The following KYNU variants were observed in gnomAD, a reference collection of about 807,000 sequenced individuals.
KYNU encodes the protein L-kynurenine hydrolase.
In KYNU, 54 loss-of-function variants were observed where a neutral mutation model predicts 59.2. The observed-to-expected ratio is 0.91, with a 90% confidence interval of 0.73 to 1.14. KYNU has a LOEUF of 1.14. Ranked by LOEUF, KYNU falls within the 50% of genes most tolerant of loss-of-function variation. KYNU has a pLI of 0.00. For synonymous variants in KYNU, 177 were observed against 192.0 expected (o/e 0.92, Z 0.65); for missense variants, 567 against 554.4 (o/e 1.02, Z -0.23).
chr2:142,985,261 A>C (rs1685166619), intron 9 of KYNU, 79 bp downstream of exon 9: 5 of 862,246 alleles, frequency 5.8e-6, no homozygotes, highest in Middle Eastern at 4.3e-4. Context: ...TCTGTGGGCC[A>C]ATTTTAAAGA....
intron 11 of KYNU, among the ~76,000 whole-genome samples, chr2:143,031,949 TGAGA>T (rs139000371): frequency 2.0e-5 from 3 of 148,402 alleles, no homozygotes; most frequent in Non-Finnish European, 4.5e-5. Flanking sequence ...TGATGGGAGG[TGAGA>T]GAGAGAGAGA....
chr2:142,963,197 G>A (rs1168563528), intron 8 of KYNU, among the ~76,000 whole-genome samples: 1 of 151,966 alleles, frequency 6.6e-6, no homozygotes, highest in Non-Finnish European at 1.5e-5. Flanking sequence ...TGAATCATAA[G>A]CAAATAGCTT....
intron 4 of KYNU, 73 bp from the exon 5 acceptor site, chr2:142,954,737 T>A (rs886901750): frequency 7.5e-6 from 7 of 930,154 alleles, no homozygotes; most frequent in Non-Finnish European, 1.3e-5. Context: ...TTGAGTGAAG[T>A]CTTCCTACTT....
At chr2:142,932,882 A>G (rs1356169634) in intron 4 of KYNU, among the ~76,000 whole-genome samples, 1 of 152,148 alleles carries the variant, frequency 6.6e-6, no homozygotes, top group Non-Finnish European at 1.5e-5. Flanking sequence ...AAGGTATAAG[A>G]AAGGTTTGAA....
intron 4 of KYNU, among the ~76,000 whole-genome samples, chr2:142,951,674 T>G (rs1683994204): frequency 6.6e-6 from 1 of 152,184 alleles, no homozygotes; most frequent in African/African-American, 2.4e-5. Flanking sequence ...ACTTTACTAT[T>G]TGCACCACCC....
At chr2:143,001,235 C>T (rs951529231) in intron 10 of KYNU, among the ~76,000 whole-genome samples, 1 of 152,086 alleles carries the variant, frequency 6.6e-6, no homozygotes, top group African/African-American at 2.4e-5. Flanking sequence ...TACCACAATT[C>T]CATTGAATAT....
chr2:142,881,811 G>A (rs1417190061), intron 1 of KYNU, among the ~76,000 whole-genome samples: 1 of 151,772 alleles, frequency 6.6e-6, no homozygotes. Context: ...GGCACAATTA[G>A]CTCACTGCAA....
chr2:142,985,246 C>A, intron 9 of KYNU, 64 bp downstream of exon 9: 1 of 1,019,824 alleles, frequency 9.8e-7, no homozygotes, highest in Non-Finnish European at 1.6e-6. Flanking sequence ...GAAGGAGAAA[C>A]TGGGTCTGTG....
chr2:142,983,835 A>C (rs1255287685), intron 8 of KYNU, among the ~76,000 whole-genome samples: 1 of 152,080 alleles, frequency 6.6e-6, no homozygotes, highest in Non-Finnish European at 1.5e-5. Context: ...AAACAGTAGC[A>C]TTGTTTATAT....
intron 3 of KYNU, among the ~76,000 whole-genome samples, chr2:142,921,576 G>C (rs2104999838): frequency 6.6e-6 from 1 of 152,276 alleles, no homozygotes; most frequent in East Asian, 1.9e-4. Context: ...GGGAGGCTGA[G>C]GCAAGCGGAC....
At chr2:143,035,286 T>C (rs1423846240) in intron 12 of KYNU, among the ~76,000 whole-genome samples, 1 of 152,228 alleles carries the variant, frequency 6.6e-6, no homozygotes, top group African/African-American at 2.4e-5. Context: ...AAGAATGATA[T>C]GCATTTCTCT....
At position 143,019,309 on chromosome 2, in the gene KYNU, T is replaced by C. The variant is rs1481648877; in HGVS notation, c.903-10318T>C. Among the ~76,000 whole-genome samples the C allele has an allele frequency of 2.6e-5, 4 of 152,138 alleles. No individual in the cohort carries two copies. The East Asian group carries it at 7.7e-4, about 29-fold the overall frequency. On this transcript the variant is annotated intron_variant, in intron 10 of 13. Coordinates refer to ENST00000264170, the MANE Select transcript of KYNU (RefSeq NM_003937.3). Reference sequence around the variant, plus strand: ...CTTTATGTTATTGGGGTGTATTTCTTCTATAACCAATTTGTTGAGAATATT... The same window carrying C: ...CTTTATGTTATTGGGGTGTATTTCTCCTATAACCAATTTGTTGAGAATATT...
At chr2:143,018,758 C>A (rs1686329796) in intron 10 of KYNU, among the ~76,000 whole-genome samples, 1 of 152,078 alleles carries the variant, frequency 6.6e-6, no homozygotes, top group Admixed American at 6.6e-5. Context: ...AATATTGATT[C>A]CATGAGCAAG....
chr2:142,988,134 G>A (rs1685275438), intron 10 of KYNU, among the ~76,000 whole-genome samples: 1 of 151,634 alleles, frequency 6.6e-6, no homozygotes, highest in Non-Finnish European at 1.5e-5. Flanking sequence ...TGATCAATAG[G>A]TATGGGGTTA....
At chr2:143,027,181 G>A (rs1686600834) in intron 10 of KYNU, among the ~76,000 whole-genome samples, 1 of 152,156 alleles carries the variant, frequency 6.6e-6, no homozygotes, top group African/African-American at 2.4e-5. Context: ...ACTTCAAATA[G>A]TGTAATCCAA....
chr2:142,904,942 G>T (rs1682235187), intron 2 of KYNU, among the ~76,000 whole-genome samples: 1 of 152,118 alleles, frequency 6.6e-6, no homozygotes, highest in African/African-American at 2.4e-5. Context: ...CATTGCCTTT[G>T]TGCTCAGGGG....
rs200997436 is a variant in KYNU at position 142,920,545 on chromosome 2, TA to T, written c.290+1819del. Among the ~76,000 whole-genome samples, 132 of 152,350 alleles carry T rather than the reference TA, an allele frequency of 8.7e-4. 1 individual carries two copies. The East Asian group carries it at 0.023, about 26-fold the overall frequency. On this transcript the variant is annotated intron_variant, in intron 3 of 13. Coordinates refer to ENST00000264170, the MANE Select transcript of KYNU (RefSeq NM_003937.3). ...AACCGGTTGATTATTTTCAAGACTT[TA>T]AAGTTGCATTTCAGGAAAGCACCTC...
chr2:143,054,282 A>G lies in KYNU; in HGVS notation c.*12110A>G, dbSNP rs891752879. The G allele has an allele frequency of 6.6e-6, 1 of 151,992 alleles. No homozygotes were observed. Among genetic ancestry groups the G allele is most frequent in the Admixed American group, 6.6e-5 (1 of 15,266 alleles). The allele number at this position is 151,992 out of a possible 1,614,324, so 9.4% of individuals were successfully genotyped here. ...ACTTTATCTTTCTATTACTTTTTTT[A>G]CATAATAGAGCTATAAAGGCAATTC... On this transcript the variant is annotated 3_prime_UTR_variant, in exon 14 of 14. Coordinates refer to ENST00000264170, the MANE Select transcript of KYNU (RefSeq NM_003937.3).
intron 4 of KYNU, among the ~76,000 whole-genome samples, chr2:142,945,382 G>A (rs1330696647): frequency 2.0e-5 from 3 of 152,204 alleles, no homozygotes; most frequent in East Asian, 3.9e-4. Context: ...ATTTTTCTTT[G>A]CACTTTCGTA....
Sources: allele counts gnomAD v4.1 joint callset (sites outside exome capture counted in the v4.1 genomes callset), GRCh38; gene constraint gnomAD v4.1.1; transcripts MANE v1.5; gene names NCBI Gene and HGNC (gene_info 2026-07-23, HGNC 2026-07-21).